Variants in SCN1A observed in about 807,000 individuals in gnomAD.
SCN1A encodes sodium voltage-gated channel alpha subunit 1.
SCN1A carries 13 observed loss-of-function variants against 193.7 expected under a neutral mutation model. That is an observed-to-expected ratio of 0.07 (90% CI 0.04 to 0.11). SCN1A has a LOEUF of 0.11. Among genes scored for constraint, SCN1A ranks in the 10% least tolerant of loss-of-function variants. SCN1A has a pLI of 1.00. For synonymous variants in SCN1A, 781 were observed against 843.6 expected, an observed-to-expected ratio of 0.93 and a Z score of 1.29; for missense variants, 1,432 against 2,451.1, an observed-to-expected ratio of 0.58 and a Z score of 8.78.
intron 3 of SCN1A, chr2:166,077,161 T>A (rs1456946731): frequency 6.6e-6 from 1 of 151,804 alleles, no homozygotes; most frequent in Non-Finnish European, 1.5e-5. Flanking sequence ...AGGTGATGAC[T>A]TTTTAGATAT....
chr2:166,108,411 T>C (rs867143977), intron 2 of SCN1A, among the ~76,000 whole-genome samples: 2 of 152,104 alleles, frequency 1.3e-5, no homozygotes, highest in Admixed American at 6.6e-5. Flanking sequence ...TGTCTTACAA[T>C]GTTAAACATA....
intron 3 of SCN1A, among the ~76,000 whole-genome samples, chr2:166,076,094 G>T (rs531002085): frequency 2.6e-5 from 4 of 151,260 alleles, no homozygotes; most frequent in Admixed American, 2.6e-4. Context: ...TATATTTTTT[G>T]ACTTTATGGT....
chr2:165,992,479 A>G lies in SCN1A; in HGVS notation c.4853-57T>C, dbSNP rs969070778. 2 of 1,599,308 alleles carry G rather than the reference A, an allele frequency of 1.3e-6. No homozygotes were observed. The highest frequency in any genetic ancestry group is 1.3e-5 in the African/African-American group (1 of 74,618). On this transcript the variant is annotated intron_variant, in intron 28 of 28. Transcript: ENST00000674923. The surrounding 1 kb of genome is among the most constrained non-coding windows in gnomAD (Gnocchi z 6.5). ...GAAGAAATCATGCGTTAAAATAAAC[A>G]TATGTTTCTTCTAAAGCTCCAAGGT... is the stretch of plus-strand genomic sequence containing the variant.
intron 2 of SCN1A, among the ~76,000 whole-genome samples, chr2:166,107,367 A>G (rs190958435): frequency 4.5e-4 from 68 of 152,306 alleles, no homozygotes; most frequent in African/African-American, 1.6e-3. Context: ...CATAACAGTC[A>G]CACAATAGTT....
At chr2:166,027,232 A>C (rs1694915392) in intron 19 of SCN1A, 1 of 152,206 alleles carries the variant, frequency 6.6e-6, no homozygotes, top group African/African-American at 2.4e-5. Flanking sequence ...CCCTGATGGT[A>C]AGAGCAGTTT....
chr2:166,101,393 A>G (rs1218921598), intron 2 of SCN1A, among the ~76,000 whole-genome samples: 1 of 146,870 alleles, frequency 6.8e-6, no homozygotes, highest in African/African-American at 2.5e-5. Flanking sequence ...TAGCATTGGG[A>G]GATATACCTA....
In SCN1A at chr2:166,013,863, C is replaced by T. The variant is rs1349777909; in HGVS notation, c.3586G>A (p.Val1196Met). The change falls in exon 21 of 29, where the codon GTG (valine) becomes ATG (methionine). Residue 1196 changes from valine to methionine, a missense_variant. By Grantham distance (21) the Val-to-Met change is conservative (BLOSUM62 1). Around this residue, in one of 18 missense-constraint regions of SCN1A, gnomAD observed 198 missense variants for 225.8 expected, o/e 0.88. Coordinates refer to ENST00000674923, the MANE Select transcript of SCN1A (RefSeq NM_001165963.4). ...VQRFKCCQIN[V>M]EEGRGKQWWN... is the part of the protein sequence containing the mutation. ...CATTGTTTTCCTCTGCCTTCTTCCA[C>T]ATTGATTTGACAACACTTGAATCTT... 2 of 1,612,214 alleles carry T rather than the reference C, an allele frequency of 1.2e-6. No homozygotes were observed. The highest frequency in any genetic ancestry group is 1.1e-5 in the South Asian group (1 of 91,050).
In SCN1A at chr2:166,036,379, A is replaced by G. The variant is rs796052992; in HGVS notation, c.3098T>C (p.Phe1033Ser). Residue 1033 changes from phenylalanine (F) to serine (S), a missense_variant, in exon 19 of 29, where the codon TTT (phenylalanine) becomes TCT (serine). Physicochemically the swap from Phe to Ser is radical, Grantham distance 155. Transcript: ENST00000674923. ...TTTCCTAATGAAGGACTGTTGAATA[A>G]ATTCATATATTTTTCTTTTCACATA... ...VAYVKRKIYE[F>S]IQQSFIRKQK... The G allele has an allele frequency of 5.0e-6, 8 of 1,601,180 alleles. No individual in the cohort carries two copies. Among genetic ancestry groups the G allele is most frequent in the Non-Finnish European group, 6.8e-6 (8 of 1,175,808 alleles).
At position 165,992,487 on chromosome 2, in the gene SCN1A, C is replaced by T; in HGVS notation, c.4853-65G>A. ...CATGCGTTAAAATAAACATATGTTT[C>T]TTCTAAAGCTCCAAGGTAAGGTTCA... is the stretch of plus-strand genomic sequence containing the variant. On this transcript the variant is annotated intron_variant, in intron 28 of 28. Coordinates refer to ENST00000674923, the MANE Select transcript of SCN1A (RefSeq NM_001165963.4). This position sits in a 1 kb window ranked among gnomAD's most constrained non-coding sequence, Gnocchi z 6.5. The T allele has an allele frequency of 6.3e-7, 1 of 1,583,834 alleles. No individual in the cohort carries two copies. The highest frequency in any genetic ancestry group is 8.7e-7 in the Non-Finnish European group (1 of 1,154,834).
At chr2:166,061,693 C>T (rs62179392) in intron 4 of SCN1A, among the ~76,000 whole-genome samples, 35,673 of 151,838 alleles carry the variant, frequency 0.23, 4,422 homozygotes, top group East Asian at 0.37. Context: ...ACAATTATTA[C>T]GTGTCAATTT....
chr2:165,999,272 A>G (rs368313861), intron 25 of SCN1A, among the ~76,000 whole-genome samples: 1 of 151,526 alleles, frequency 6.6e-6, no homozygotes, highest in South Asian at 2.1e-4. Context: ...AAATAGGATT[A>G]TTTGAAAGAA....
chr2:166,076,461 T>G (rs1684994142), intron 3 of SCN1A, among the ~76,000 whole-genome samples: 1 of 152,004 alleles, frequency 6.6e-6, no homozygotes, highest in African/African-American at 2.4e-5. Context: ...AAGACACTAG[T>G]TCTTCCCAAC....
intron 2 of SCN1A, among the ~76,000 whole-genome samples, chr2:166,079,295 A>T (rs1685263492): frequency 6.6e-6 from 1 of 150,938 alleles, no homozygotes. Context: ...TGTAGATAAC[A>T]CTTATGATCA....
At chr2:166,002,884 A>G (rs556660674) in intron 23 of SCN1A, 131 bp from the exon 24 acceptor site, 1 of 732,308 alleles carries the variant, frequency 1.4e-6, no homozygotes, top group South Asian at 2.9e-5. Flanking sequence ...GATATGTAAA[A>G]GCAAGGTTCA....
chr2:165,999,915 G>T, intron 24 of SCN1A, 139 bp from the exon 25 acceptor site: 1 of 743,256 alleles, frequency 1.3e-6, no homozygotes, highest in Admixed American at 1.9e-5. Context: ...CACAGATTTT[G>T]GACCAAGACA....
chr2:166,125,267 C>T (rs1691108003), intron 2 of SCN1A, among the ~76,000 whole-genome samples: 1 of 152,220 alleles, frequency 6.6e-6, no homozygotes, highest in Non-Finnish European at 1.5e-5. Flanking sequence ...TCTCTGGGAT[C>T]TGTTTCTCCC....
rs543911557 is a variant in SCN1A, at chr2:166,018,220, A to T, written c.3430-2493T>A. Among the ~76,000 whole-genome samples, 12 of 152,136 alleles carry T rather than the reference A, an allele frequency of 7.9e-5. No individual in the cohort carries two copies. The South Asian group carries it at 2.3e-3, about 29-fold the overall frequency. The stretch of plus-strand genomic sequence containing the variant: ...AACCATATTTGTTTTCTTATGAGGA[A>T]TACTACTTTTAATGATACCTCTGAA... On this transcript the variant is annotated intron_variant, in intron 19 of 28. Coordinates refer to ENST00000674923, the MANE Select transcript of SCN1A (RefSeq NM_001165963.4).
At chr2:166,130,051 G>T (rs1691596306), upstream of SCN1A, among the ~76,000 whole-genome samples, 1 of 152,102 alleles carries the variant, frequency 6.6e-6, no homozygotes, top group African/African-American at 2.4e-5. Flanking sequence ...TGTGGAGGAA[G>T]AAGTGACAAA....
intron 2 of SCN1A, among the ~76,000 whole-genome samples, chr2:166,089,063 G>GA (rs1686468570): frequency 6.6e-6 from 1 of 152,156 alleles, no homozygotes; most frequent in Non-Finnish European, 1.5e-5. Context: ...TACACGTGCA[G>GA]AACTTGCAGG....
Sources: gnomAD v4.1 joint callset for allele counts (sites outside exome capture counted in the v4.1 genomes callset) on GRCh38, gnomAD v4.1.1 for gene constraint, gnomAD v4.1.1 regional missense constraint, Gnocchi (gnomAD v3.1) non-coding constraint, MANE v1.5 for transcripts, NCBI Gene and HGNC (gene_info 2026-07-23, HGNC 2026-07-21) for gene names.